Variants in RIMS2 observed in about 807,000 individuals in gnomAD.
RIMS2 encodes the protein regulating synaptic membrane exocytosis protein 2.
RIMS2 carries 59 observed loss-of-function variants against 174.4 expected under a neutral mutation model. The observed-to-expected ratio is 0.34, with a 90% CI of 0.27 to 0.42. The LOEUF is 0.42. Among genes scored for constraint, RIMS2 ranks in the 10% least tolerant of loss-of-function variants. The pLI, the probability that RIMS2 is intolerant of heterozygous loss-of-function variation, is 1.00. For synonymous variants in RIMS2, 606 were observed against 572.5 expected (o/e 1.06, Z -0.84); for missense variants, 1,620 against 1,666.3 (o/e 0.97, Z 0.48).
chr8:103,540,994 A>G (rs1390091780), intron 1 of RIMS2, among the ~76,000 whole-genome samples: 1 of 152,200 alleles, frequency 6.6e-6, no homozygotes, highest in Admixed American at 6.5e-5. Flanking sequence ...AAAAAAGAAC[A>G]AAGAAAGCTT....
chr8:103,662,672 G>GTCTA (rs61138262), intron 1 of RIMS2, among the ~76,000 whole-genome samples: 5,527 of 149,636 alleles, frequency 0.037, 85 homozygotes, highest in Middle Eastern at 0.048. Flanking sequence ...AGTCAGAAGA[G>GTCTA]TCTATCTATC....
chr8:103,736,522 A>G (rs2097687689), intron 2 of RIMS2, among the ~76,000 whole-genome samples: 1 of 152,206 alleles, frequency 6.6e-6, no homozygotes, highest in Non-Finnish European at 1.5e-5. Context: ...TTCTGGTATT[A>G]GTGAGAATAT....
At chr8:103,698,413 TTTG>T (rs1339033100) in intron 2 of RIMS2, among the ~76,000 whole-genome samples, 20 of 152,238 alleles carry the variant, frequency 1.3e-4, no homozygotes, top group African/African-American at 4.1e-4. Flanking sequence ...CTTTGCTGAG[TTTG>T]TTGTTGTTGT....
chr8:103,632,731 A>ATTTTTTTTT lies in RIMS2; in HGVS notation c.177-64338_177-64330dup, dbSNP rs61579273. ...CCACTGCGCCCGGCCATATTTATTG[A>ATTTTTTTTT]TTTTTTTTTTTTTTTTTTTTTTTTT... On this transcript the variant is annotated intron_variant, in intron 1 of 23. Coordinates refer to ENST00000504942, the Ensembl canonical transcript of RIMS2. Among the ~76,000 whole-genome samples, 44 of 70,416 alleles carry ATTTTTTTTT rather than the reference A, an allele frequency of 6.2e-4. 1 individual carries two copies. Among genetic ancestry groups the ATTTTTTTTT allele is most frequent in the Admixed American group, 1.1e-3 (5 of 4,706 alleles). 46.2% of individuals were successfully genotyped at this position (70,416 alleles called of 152,430 possible).
At chr8:103,627,029 T>G (rs2095802516) in intron 1 of RIMS2, among the ~76,000 whole-genome samples, 1 of 152,142 alleles carries the variant, frequency 6.6e-6, no homozygotes, top group Non-Finnish European at 1.5e-5. Context: ...GGCTGGAATT[T>G]CCCAATCCTA....
intron 19 of RIMS2, among the ~76,000 whole-genome samples, chr8:104,169,660 TG>T (rs1229948145): frequency 2.6e-5 from 4 of 152,030 alleles, no homozygotes; most frequent in Non-Finnish European, 5.9e-5. Flanking sequence ...TGTATTTTTT[TG>T]TTTCAGTTTC....
intron 1 of RIMS2, among the ~76,000 whole-genome samples, chr8:103,552,261 C>G (rs910778948): frequency 6.6e-6 from 1 of 152,028 alleles, no homozygotes; most frequent in Non-Finnish European, 1.5e-5. Context: ...GATATATAGA[C>G]CAATGGAACA....
At chr8:103,616,986 C>T (rs1377186310) in intron 1 of RIMS2, among the ~76,000 whole-genome samples, 1 of 152,086 alleles carries the variant, frequency 6.6e-6, no homozygotes, top group African/African-American at 2.4e-5. Flanking sequence ...CTTACCAAGC[C>T]ACCAATGATA....
intron 1 of RIMS2, among the ~76,000 whole-genome samples, chr8:103,593,848 T>A (rs2094372902): frequency 6.6e-6 from 1 of 151,272 alleles, no homozygotes; most frequent in Non-Finnish European, 1.5e-5. Context: ...AAAATTTAAT[T>A]TCTAAAAAGT....
intron 1 of RIMS2, among the ~76,000 whole-genome samples, chr8:103,551,143 A>G (rs999734748): frequency 2.0e-5 from 3 of 151,804 alleles, no homozygotes; most frequent in Non-Finnish European, 4.4e-5. Flanking sequence ...GAGACACAAC[A>G]AAAAAAAGAG....
intron 16 of RIMS2, chr8:103,975,777 G>C (rs2093362938): frequency 4.0e-6 from 1 of 248,610 alleles, no homozygotes; most frequent in African/African-American, 2.2e-5. Flanking sequence ...TCAAAGGCCT[G>C]AGAGCCACCA....
chr8:103,630,935 T>C (rs2095903299), intron 1 of RIMS2, among the ~76,000 whole-genome samples: 1 of 152,204 alleles, frequency 6.6e-6, no homozygotes, highest in Admixed American at 6.5e-5. Flanking sequence ...GAAGTGTCTG[T>C]TCATGTTCTC....
intron 2 of RIMS2, among the ~76,000 whole-genome samples, chr8:103,712,232 G>A (rs908262452): frequency 1.6e-4 from 23 of 144,582 alleles, no homozygotes; most frequent in South Asian, 4.4e-4. Context: ...AAATAGTCCC[G>A]AACCCCTGGG....
chr8:103,958,400 C>G lies in RIMS2; in HGVS notation c.2702-2665C>G, dbSNP rs552747288. On this transcript the variant is annotated intron_variant, in intron 14 of 23. Transcript: ENST00000504942. The stretch of plus-strand genomic sequence containing the variant: ...AAGGAACAACAGACCCTGGGGTCTA[C>G]TTGAGGGTGGAGGGTGGGAGGATAG... 2.0e-5 allele frequency among the ~76,000 whole-genome samples: 3 copies of G among 152,120 alleles called. No individual in the cohort carries two copies. In the South Asian group the frequency reaches 6.2e-4, roughly 32 times the overall value.
At chr8:103,819,570 T>C (rs1156775862) in intron 3 of RIMS2, 4 of 1,613,548 alleles carry the variant, frequency 2.5e-6, no homozygotes, top group Admixed American at 3.3e-5. Context: ...ATGGGGTTTT[T>C]TCATCCCCAC....
At chr8:103,713,760 C>CATAGA (rs1239657669) in intron 2 of RIMS2, among the ~76,000 whole-genome samples, 3 of 152,156 alleles carry the variant, frequency 2.0e-5, no homozygotes, top group Non-Finnish European at 2.9e-5. Flanking sequence ...GACTCCTCAT[C>CATAGA]ACCTGAGTGA....
At chr8:103,969,793 G>A (rs915593961) in intron 15 of RIMS2, among the ~76,000 whole-genome samples, 1 of 152,106 alleles carries the variant, frequency 6.6e-6, no homozygotes, top group East Asian at 1.9e-4. Flanking sequence ...AGTCGCCCAG[G>A]ATGGAGGGCA....
At chr8:103,557,129 A>C (rs2090634960) in intron 1 of RIMS2, among the ~76,000 whole-genome samples, 1 of 152,254 alleles carries the variant, frequency 6.6e-6, no homozygotes, top group Admixed American at 6.5e-5. Flanking sequence ...TACTTAACAC[A>C]GTGTTTACCT....
At chr8:104,121,452 T>G (rs909049796) in intron 19 of RIMS2, among the ~76,000 whole-genome samples, 4 of 152,228 alleles carry the variant, frequency 2.6e-5, no homozygotes, top group Non-Finnish European at 5.9e-5. Context: ...GGTAATATTT[T>G]GTCATGATCA....
Sources: gnomAD v4.1 joint callset for allele counts (sites outside exome capture counted in the v4.1 genomes callset) on GRCh38, gnomAD v4.1.1 for gene constraint, MANE v1.5 for transcripts, NCBI Gene and HGNC (gene_info 2026-07-23, HGNC 2026-07-21) for gene names.